TMC2: variants seen among roughly 807,000 people sequenced by gnomAD.
TMC2 encodes transmembrane channel like 2.
Under a neutral mutation model 105.9 loss-of-function variants are expected in TMC2, and 102 were observed. The observed-to-expected ratio is 0.96, with a 90% confidence interval of 0.82 to 1.14. The LOEUF is 1.14. Ranked by LOEUF, TMC2 falls within the 50% of genes most tolerant of loss-of-function variation. The pLI is 0.00. For synonymous variants in TMC2, 402 were observed against 422.8 expected, an observed-to-expected ratio of 0.95 and a Z score of 0.60; for missense variants, 1,093 against 1,134.3, an observed-to-expected ratio of 0.96 and a Z score of 0.52.
Position 2,558,480 on chromosome 20 carries a change from C to G in TMC2, c.107C>G (p.Ser36Ter), listed in dbSNP as rs1450945662. Residue 36 changes from serine to a stop codon, truncating the protein, a stop_gained, in exon 3 of 20, where the codon TCA becomes TGA. Transcript: ENST00000358864. LOFTEE classifies it high-confidence loss of function. This position sits in a 1 kb window ranked among gnomAD's most constrained non-coding sequence, Gnocchi z 4.6. Reference protein sequence around the residue: ...HTGDRLGRRSSSKRALKAEGT... With the variant: ...HTGDRLGRRS ...GGTGACAGGCTGGGAAGGAGATCCTCAAGCAAGCGGGCTCTCAAAGCCGAG... is the reference window on the plus strand; with the variant it reads ...GGTGACAGGCTGGGAAGGAGATCCTGAAGCAAGCGGGCTCTCAAAGCCGAG... The G allele has an allele frequency of 6.4e-7, 1 of 1,558,790 alleles. No individual in the cohort carries two copies. The highest frequency in any genetic ancestry group is 1.4e-5 in the African/African-American group (1 of 73,506).
At position 2,610,503 on chromosome 20, in the gene TMC2, A is replaced by G. The variant is rs1372219386; in HGVS notation, c.1498A>G (p.Thr500Ala). Residue 500 changes from threonine (T) to alanine (A), a missense_variant, in exon 12 of 20, where the codon ACT (threonine) becomes GCT (alanine). Physicochemically the swap from Thr to Ala is moderately conservative, Grantham distance 58 (BLOSUM62 0). Transcript: ENST00000358864. Reference protein sequence around the residue: ...IAALENYHPRTGLKWQLGRIF... With the variant: ...IAALENYHPRAGLKWQLGRIF... The stretch of plus-strand genomic sequence containing the variant: ...TGCCCTGGAGAATTACCACCCACGC[A>G]CTGGACTGAAGTGGCAGCTGGGACG... 2 of 1,613,738 alleles carry G rather than the reference A, an allele frequency of 1.2e-6. No individual in the cohort carries two copies. The highest frequency in any genetic ancestry group is 1.7e-5 in the Admixed American group (1 of 59,978).
intron 2 of TMC2, among the ~76,000 whole-genome samples, chr20:2,550,937 G>A (rs906497008): frequency 7.2e-5 from 11 of 152,182 alleles, no homozygotes; most frequent in Non-Finnish European, 1.3e-4. Context: ...TAAGGTGGCC[G>A]TAAATATTTG....
At chr20:2,635,032 T>A (rs1247510793) in intron 17 of TMC2, among the ~76,000 whole-genome samples, 4 of 152,154 alleles carry the variant, frequency 2.6e-5, no homozygotes, top group Non-Finnish European at 5.9e-5. Flanking sequence ...AGCTTGAAAG[T>A]CATGGAGAAA....
intron 11 of TMC2, among the ~76,000 whole-genome samples, chr20:2,605,572 A>T (rs889957633): frequency 1.3e-5 from 2 of 152,090 alleles, no homozygotes; most frequent in Admixed American, 1.3e-4. Flanking sequence ...ACTTAACCTT[A>T]ATTACCTCCT....
intron 10 of TMC2, among the ~76,000 whole-genome samples, chr20:2,597,817 C>T (rs950018437): frequency 6.6e-6 from 1 of 151,976 alleles, no homozygotes; most frequent in African/African-American, 2.4e-5. Context: ...CTTAATATGA[C>T]AGAGTATCCT....
intron 2 of TMC2, among the ~76,000 whole-genome samples, chr20:2,547,469 C>G (rs1415851016): frequency 6.6e-6 from 1 of 152,136 alleles, no homozygotes; most frequent in Non-Finnish European, 1.5e-5. Flanking sequence ...CTAGAGAAGG[C>G]TAAACATCTC....
chr20:2,607,501 C>A (rs1471599583), intron 11 of TMC2, among the ~76,000 whole-genome samples: 6 of 152,218 alleles, frequency 3.9e-5, no homozygotes, highest in African/African-American at 1.4e-4. Flanking sequence ...AATGACCTTG[C>A]ACTCACCTAT....
chr20:2,621,178 T>C (rs1348544950), intron 16 of TMC2, among the ~76,000 whole-genome samples: 2 of 151,986 alleles, frequency 1.3e-5, no homozygotes, highest in Admixed American at 1.3e-4. Flanking sequence ...CTGGCCAACA[T>C]GGTGAAACCC....
At chr20:2,547,950 T>C (rs552802620) in intron 2 of TMC2, among the ~76,000 whole-genome samples, 1 of 152,380 alleles carries the variant, frequency 6.6e-6, no homozygotes, top group South Asian at 2.1e-4. Flanking sequence ...CATTTTACTT[T>C]AGGACAAAAC....
In TMC2 at chr20:2,600,651, T is replaced by C. The variant is rs190048848; in HGVS notation, c.1225-1462T>C. 8.9e-4 allele frequency among the ~76,000 whole-genome samples: 136 copies of C among 152,102 alleles called. 2 individuals are homozygous for C. Among genetic ancestry groups the C allele is most frequent in the African/African-American group, 3.0e-3 (125 of 41,492 alleles). ...TCCTGGCTAATACAGTGAAACCCTGTCTCTACTAAAAATACAAAAAAAATT... is the reference window on the plus strand; with the variant it reads ...TCCTGGCTAATACAGTGAAACCCTGCCTCTACTAAAAATACAAAAAAAATT... On this transcript the variant is annotated intron_variant, in intron 10 of 19. Transcript: ENST00000358864.
intron 14 of TMC2, among the ~76,000 whole-genome samples, 177 bp from the exon 15 acceptor site, chr20:2,615,960 A>T (rs954209820): frequency 6.6e-6 from 1 of 152,244 alleles, no homozygotes; most frequent in African/African-American, 2.4e-5. Context: ...TTAAAAGTTG[A>T]AAACATATTA....
chr20:2,595,337 T>C (rs1382888917), intron 9 of TMC2, among the ~76,000 whole-genome samples: 4 of 152,224 alleles, frequency 2.6e-5, no homozygotes, highest in African/African-American at 9.6e-5. Flanking sequence ...CCTAGTAAGG[T>C]AGGCCTGGAG....
chr20:2,559,832 C>T (rs1039488502), intron 3 of TMC2, among the ~76,000 whole-genome samples: 2 of 152,082 alleles, frequency 1.3e-5, no homozygotes, highest in African/African-American at 2.4e-5. Flanking sequence ...TTAAAAATAA[C>T]GTGAATGCAC....
chr20:2,617,193 G>A lies in TMC2; in HGVS notation c.2062G>A (p.Ala688Thr). The A allele has an allele frequency of 6.2e-7, 1 of 1,614,210 alleles. No homozygotes were observed. Among genetic ancestry groups the A allele is most frequent in the Non-Finnish European group, 8.5e-7 (1 of 1,180,034 alleles). ...CGTACCCCATGAACGCGTGTTCAAA[G>A]CCTCCCGATCCAACAACTTCTACAT... The part of the protein sequence containing the change: ...SNVPHERVFK[A>T]SRSNNFYMGL... The change falls in exon 16 of 20, where the codon GCC becomes ACC. Residue 688 changes from alanine (A) to threonine (T), a missense_variant. Physicochemically the swap from Ala to Thr is moderately conservative, Grantham distance 58 (BLOSUM62 0). Coordinates refer to ENST00000358864, the MANE Select transcript of TMC2 (RefSeq NM_080751.3).
intron 2 of TMC2, among the ~76,000 whole-genome samples, chr20:2,548,956 G>A (rs1323918650): frequency 1.3e-5 from 2 of 152,184 alleles, no homozygotes; most frequent in African/African-American, 2.4e-5. Context: ...TTTACTTAAT[G>A]CTGAAAAACC....
intron 11 of TMC2, among the ~76,000 whole-genome samples, chr20:2,609,869 A>T (rs2086422195): frequency 6.6e-6 from 1 of 151,962 alleles, no homozygotes; most frequent in African/African-American, 2.4e-5. Context: ...TTTTTTTGAG[A>T]TGGAGTCTTG....
intron 8 of TMC2, among the ~76,000 whole-genome samples, chr20:2,593,221 C>T (rs960376224): frequency 2.0e-5 from 3 of 152,114 alleles, no homozygotes; most frequent in Non-Finnish European, 4.4e-5. Flanking sequence ...CACCAGAACT[C>T]CCTCCCTATC....
chr20:2,573,782 G>T, intron 5 of TMC2, among the ~76,000 whole-genome samples: 1 of 150,698 alleles, frequency 6.6e-6, no homozygotes, highest in Non-Finnish European at 1.5e-5. Context: ...GGATGGTCTC[G>T]ATCTCCTGAC....
At chr20:2,586,286 T>C (rs2086231653) in intron 7 of TMC2, among the ~76,000 whole-genome samples, 1 of 152,044 alleles carries the variant, frequency 6.6e-6, no homozygotes. Flanking sequence ...AAACATAAAA[T>C]GGTGGGACAG....
Sources: allele counts gnomAD v4.1 joint callset (sites outside exome capture counted in the v4.1 genomes callset), GRCh38; gene constraint gnomAD v4.1.1; non-coding constraint Gnocchi (gnomAD v3.1); transcripts MANE v1.5; gene names NCBI Gene and HGNC (gene_info 2026-07-23, HGNC 2026-07-21).